The following ZFYVE19 variants were observed in gnomAD, a reference collection of about 807,000 sequenced individuals.
ZFYVE19 encodes the protein abscission/NoCut checkpoint regulator.
A neutral mutation model predicts 62.8 loss-of-function variants in ZFYVE19; 49 were observed. The observed-to-expected ratio is 0.78, with a 90% confidence interval of 0.62 to 0.99. ZFYVE19 has a LOEUF of 0.99. ZFYVE19 is among the 50% of genes least tolerant of loss of function. The pLI is 0.00. For synonymous variants in ZFYVE19, 242 were observed against 234.3 expected (o/e 1.03, Z -0.30); for missense variants, 630 against 601.9 (o/e 1.05, Z -0.49).
intron 3 of ZFYVE19, among the ~76,000 whole-genome samples, 178 bp from the exon 4 acceptor site, chr15:40,809,674 T>C (rs1890414921): frequency 6.6e-6 from 1 of 152,186 alleles, no homozygotes; most frequent in South Asian, 2.1e-4. Flanking sequence ...AGCTGGACCG[T>C]CTGGCTGGTC....
In ZFYVE19 at chr15:40,808,538, C is replaced by T. The variant is rs576239346; in HGVS notation, c.280-581C>T. On this transcript the variant is annotated intron_variant, in intron 1 of 10. Coordinates refer to ENST00000355341, the MANE Select transcript of ZFYVE19 (RefSeq NM_001077268.2). ...TCTGAGCTCTGCTGTCTTATTGAGG[C>T]GGTGACCTTGGTTTGGATAAGTTAT... 29 of 1,107,282 alleles carry T rather than the reference C, an allele frequency of 2.6e-5. No individual in the cohort carries two copies. In the African/African-American group the frequency reaches 3.0e-4, roughly 11 times the overall value. 68.6% of individuals were successfully genotyped at this position (1,107,282 alleles called of 1,614,324 possible). A position where few individuals can be genotyped will look rare whatever the true frequency, so the allele number is the denominator to read the frequency against.
intron 4 of ZFYVE19, 33 bp from the exon 5 acceptor site, chr15:40,810,038 G>C: frequency 1.2e-6 from 2 of 1,614,186 alleles, no homozygotes; most frequent in Non-Finnish European, 1.7e-6. Context: ...GATGCCTCTG[G>C]CCCTTACAAG....
At position 40,811,016 on chromosome 15, in the gene ZFYVE19, G is replaced by A. The variant is rs1047845936; in HGVS notation, c.826+259G>A. ...ATGCTGGACAAGTTACTTGACCTAA[G>A]TCTCACTTTCCTCATGTGTAAAATG... On this transcript the variant is annotated intron_variant, in intron 6 of 10. Coordinates refer to ENST00000355341, the MANE Select transcript of ZFYVE19 (RefSeq NM_001077268.2). 5.0e-5 allele frequency: 21 copies of A among 423,874 alleles called. No homozygotes were observed. In the Admixed American group the frequency reaches 7.8e-4, roughly 16 times the overall value. 26.3% of individuals were successfully genotyped at this position (423,874 alleles called of 1,614,324 possible). A position where few individuals can be genotyped will look rare whatever the true frequency, so the allele number is the denominator to read the frequency against.
At chr15:40,812,446 T>C (rs546912405) in intron 6 of ZFYVE19, among the ~76,000 whole-genome samples, 162 of 150,956 alleles carry the variant, frequency 1.1e-3, no homozygotes, top group African/African-American at 3.7e-3. Flanking sequence ...CTCAGGAGGC[T>C]GAGGCAGGAG....
At position 40,813,956 on chromosome 15, in the gene ZFYVE19, A is replaced by G. The variant is rs1286303977; in HGVS notation, c.1223A>G (p.Asp408Gly). The G allele has an allele frequency of 1.2e-6, 2 of 1,609,068 alleles. No individual in the cohort carries two copies. The highest frequency in any genetic ancestry group is 1.7e-6 in the Non-Finnish European group (2 of 1,177,328). Residue 408 changes from aspartate to glycine, a missense_variant, in exon 10 of 11, where the codon GAC (aspartate) becomes GGC (glycine). Transcript: ENST00000355341. ...RGAEPEAQDV[D>G]PRPEAEEEEL... ...TGATCCCTGAAGGCCCAGGATGTGGACCCCAGGCCTGAGGCTGAGGAAGAG... is the reference window on the plus strand; with the variant it reads ...TGATCCCTGAAGGCCCAGGATGTGGGCCCCAGGCCTGAGGCTGAGGAAGAG...
rs75175293 is a variant in ZFYVE19 at position 40,809,618 on chromosome 15, T to G, written c.452+160T>G. 1.4e-3 allele frequency among the ~76,000 whole-genome samples: 210 copies of G among 152,338 alleles called. 2 individuals are homozygous for G. The East Asian group carries it at 0.026, about 19-fold the overall frequency. ...CCCTCTTGGGCTGGTAAAGCAGCTC[T>G]TCAGCCCTCTCTCCAGGACAGGCAC... is the stretch of plus-strand genomic sequence containing the variant. On this transcript the variant is annotated intron_variant, in intron 3 of 10. Coordinates refer to ENST00000355341, the MANE Select transcript of ZFYVE19 (RefSeq NM_001077268.2).
chr15:40,808,292 A>G (rs771720482), intron 1 of ZFYVE19: 4 of 1,597,128 alleles, frequency 2.5e-6, no homozygotes, highest in Non-Finnish European at 3.4e-6. Context: ...AGATTACCAC[A>G]CTTCCTCCTG....
chr15:40,812,913 G>A lies in ZFYVE19; in HGVS notation c.1030+11G>A. On this transcript the variant is annotated intron_variant, in intron 7 of 10. Coordinates refer to ENST00000355341, the MANE Select transcript of ZFYVE19 (RefSeq NM_001077268.2). ...AGGACCCCGAGAGAGGTGAAGGCTG[G>A]GGAGCAGCTGCTCACTGGTATCCCT... The A allele has an allele frequency of 1.9e-6, 3 of 1,607,532 alleles. No individual in the cohort carries two copies. The highest frequency in any genetic ancestry group is 1.1e-5 in the South Asian group (1 of 90,974).
chr15:40,809,345 T>G, intron 2 of ZFYVE19, 63 bp from the exon 3 acceptor site: 1 of 1,613,836 alleles, frequency 6.2e-7, no homozygotes, highest in South Asian at 1.1e-5. Context: ...AGGAAGTGTT[T>G]GGAGTGGGGG....
chr15:40,809,196 C>T lies in ZFYVE19; in HGVS notation c.357C>T (p.Asn119=), dbSNP rs990369026. Residue 119 remains asparagine, a synonymous_variant, in exon 2 of 11, where the codon AAC becomes AAT. Transcript: ENST00000355341. ...SFSAAVPRTG[N]TQQKVCKQCH... is the part of the protein sequence containing the mutation. Reference sequence around the variant, plus strand: ...GTGCAGCAGTGCCTCGGACTGGGAACACCCAACAGAAAGTCTGCAAGCAAT... The same window carrying T: ...GTGCAGCAGTGCCTCGGACTGGGAATACCCAACAGAAAGTCTGCAAGCAAT... The T allele has an allele frequency of 2.5e-6, 4 of 1,614,230 alleles. No homozygotes were observed. Among genetic ancestry groups the T allele is most frequent in the Non-Finnish European group, 3.4e-6 (4 of 1,180,038 alleles).
intron 1 of ZFYVE19, 117 bp downstream of exon 1, chr15:40,807,985 A>C (rs1015675182): frequency 1.5e-6 from 2 of 1,299,212 alleles, no homozygotes; most frequent in Non-Finnish European, 2.1e-6. Context: ...GTTTTGATGA[A>C]GTCATTGATC....
Position 40,814,134 on chromosome 15 carries a change from C to T in ZFYVE19, c.1338-14C>T, listed in dbSNP as rs1251564297. ...GCTGCCTGGATCCCTGACTTGTATC[C>T]CTTTGTTCCACAGAGAGGGCCATGA... On this transcript the variant is annotated splice_polypyrimidine_tract_variant and intron_variant, in intron 10 of 10. Coordinates refer to ENST00000355341, the MANE Select transcript of ZFYVE19 (RefSeq NM_001077268.2). 1 of 1,614,202 alleles carries T rather than the reference C, an allele frequency of 6.2e-7. No individual in the cohort carries two copies. Among genetic ancestry groups the T allele is most frequent in the Non-Finnish European group, 8.5e-7 (1 of 1,180,036 alleles).
At chr15:40,812,932 T>C (rs1289289874) in intron 7 of ZFYVE19, 30 bp downstream of exon 7, 2 of 1,603,368 alleles carry the variant, frequency 1.2e-6, no homozygotes, top group African/African-American at 1.3e-5. Context: ...TGCTCACTGG[T>C]ATCCCTTGGT....
chr15:40,808,724 T>C (rs1890367035), intron 1 of ZFYVE19: 1 of 305,720 alleles, frequency 3.3e-6, no homozygotes, highest in Non-Finnish European at 6.2e-6. Flanking sequence ...GAGGCTATTG[T>C]TAGCCCATCC....
chr15:40,814,384 C>T lies in ZFYVE19; in HGVS notation c.*158C>T. On this transcript the variant is annotated 3_prime_UTR_variant, in exon 11 of 11. Coordinates refer to ENST00000355341, the MANE Select transcript of ZFYVE19 (RefSeq NM_001077268.2). ...TGTCCCTGGAATGAGGAAAGATTCT[C>T]CATTCGAGAGAATGACTGGGAGGGA... 2 of 831,850 alleles carry T rather than the reference C, an allele frequency of 2.4e-6. No individual in the cohort carries two copies. Among genetic ancestry groups the T allele is most frequent in the Non-Finnish European group, 3.7e-6 (2 of 539,802 alleles). The allele number at this position is 831,850 out of a possible 1,614,324, so 51.5% of individuals were successfully genotyped here.
chr15:40,807,270 G>C lies in ZFYVE19; in HGVS notation c.-320G>C. The C allele has an allele frequency of 1.9e-6, 3 of 1,605,244 alleles. No individual in the cohort carries two copies. Among genetic ancestry groups the C allele is most frequent in the Non-Finnish European group, 2.6e-6 (3 of 1,176,070 alleles). ...GACCCTCGCTCCCCGCCCAGGACCC[G>C]AATGAACCTGGAGAGCGGATGCCAG... On this transcript the variant is annotated 5_prime_UTR_variant, in exon 1 of 11. Transcript: ENST00000355341.
At position 40,813,770 on chromosome 15, in the gene ZFYVE19, G is replaced by A. The variant is rs527739568; in HGVS notation, c.1168G>A (p.Ala390Thr). 1.9e-6 allele frequency: 3 copies of A among 1,614,124 alleles called. No homozygotes were observed. Among genetic ancestry groups the A allele is most frequent in the East Asian group, 4.5e-5 (2 of 44,880 alleles). ...TGGCTTTAACATCCCTGCAGAGCAG[G>A]CTTCTCGACCCTGGACGCAACCCCG... ...ASGFNIPAEQ[A>T]SRPWTQPRGA... Residue 390 changes from alanine (A) to threonine (T), a missense_variant, in exon 9 of 11, where the codon GCT (alanine) becomes ACT (threonine). Ala to Thr is a moderately conservative substitution (Grantham distance 58, BLOSUM62 0). Transcript: ENST00000355341.
intron 6 of ZFYVE19, among the ~76,000 whole-genome samples, chr15:40,812,371 C>G (rs1251889943): frequency 6.6e-6 from 1 of 151,808 alleles, no homozygotes; most frequent in East Asian, 1.9e-4. Flanking sequence ...CATGTTGAAA[C>G]CCCGTCTCTA....
Position 40,807,456 on chromosome 15 carries a change from C to T in ZFYVE19, c.-134C>T. ...CCTTGGTCACTGCCATGGTTCCGGC[C>T]TGACGGATTCGTACTACAACTCCCA... On this transcript the variant is annotated 5_prime_UTR_variant, in exon 1 of 11. Transcript: ENST00000355341. 1 of 1,614,194 alleles carries T rather than the reference C, an allele frequency of 6.2e-7. No individual in the cohort carries two copies. The highest frequency in any genetic ancestry group is 8.5e-7 in the Non-Finnish European group (1 of 1,179,996).
Sources: gnomAD v4.1 joint callset for allele counts (sites outside exome capture counted in the v4.1 genomes callset) on GRCh38, gnomAD v4.1.1 for gene constraint, MANE v1.5 for transcripts, NCBI Gene and HGNC (gene_info 2026-07-23, HGNC 2026-07-21) for gene names.